The following ZNF362 variants were observed in gnomAD, a reference collection of about 807,000 sequenced individuals.
ZNF362 encodes rotund homolog.
In ZNF362, 11 loss-of-function variants were observed where a neutral mutation model predicts 42.9. The observed-to-expected ratio is 0.26, with a 90% confidence interval of 0.16 to 0.42. The LOEUF is 0.42. Ranked by LOEUF, ZNF362 falls within the 20% of genes least tolerant of loss-of-function variation. The probability of loss-of-function intolerance (pLI) is 1.00; values close to 1 mark genes in which losing one functional copy is unlikely to be tolerated. For missense variants in ZNF362, 362 were observed against 576.2 expected, an observed-to-expected ratio of 0.63 and a Z score of 3.81; for synonymous variants, 255 against 257.3, an observed-to-expected ratio of 0.99 and a Z score of 0.09.
intron 1 of ZNF362, among the ~76,000 whole-genome samples, chr1:33,263,558 G>A (rs1020952591): frequency 2.0e-5 from 3 of 152,068 alleles, no homozygotes; most frequent in African/African-American, 4.8e-5. Flanking sequence ...TTACAGGCGT[G>A]TGCCACCACA....
chr1:33,138,330 G>C, the ZNF362 span, among the ~76,000 whole-genome samples: 7 of 152,122 alleles, frequency 4.6e-5, no homozygotes, highest in Non-Finnish European at 8.8e-5. Flanking sequence ...TGGAACAATA[G>C]GCAAAGTGGT....
intron 2 of ZNF362, 42 bp downstream of exon 2, chr1:33,270,654 G>T (rs1418889854): frequency 1.2e-6 from 2 of 1,604,304 alleles, no homozygotes; most frequent in Admixed American, 1.7e-5. Flanking sequence ...GTCAATGAGG[G>T]TTTGTTCTTT....
chr1:33,235,224 C>T, the ZNF362 span, among the ~76,000 whole-genome samples: 38 of 152,066 alleles, frequency 2.5e-4, no homozygotes, highest in African/African-American at 8.5e-4. Context: ...CCTGCAATAC[C>T]GCTTTCCTGT....
intron 4 of ZNF362, among the ~76,000 whole-genome samples, chr1:33,278,636 T>G (rs1284570668): frequency 1.3e-5 from 2 of 152,240 alleles, no homozygotes; most frequent in Non-Finnish European, 2.9e-5. Context: ...TTGATGTGTC[T>G]CCTCTCAGAT....
intron 1 of ZNF362, among the ~76,000 whole-genome samples, chr1:33,258,113 C>T (rs1645806238): frequency 6.6e-6 from 1 of 152,194 alleles, no homozygotes; most frequent in Non-Finnish European, 1.5e-5. Context: ...GTGAGCCTCA[C>T]CCCTGTAGTA....
At chr1:33,264,261 G>A (rs1381038720) in intron 1 of ZNF362, among the ~76,000 whole-genome samples, 1 of 152,054 alleles carries the variant, frequency 6.6e-6, no homozygotes, top group Non-Finnish European at 1.5e-5. Context: ...CAGAAGAATG[G>A]TCCCTGTGGG....
chr1:33,238,793 A>G, the ZNF362 span, among the ~76,000 whole-genome samples: 1 of 152,108 alleles, frequency 6.6e-6, no homozygotes, highest in East Asian at 1.9e-4. Context: ...TGAGCGTTCT[A>G]TCTCTCCCTC....
chr1:33,138,335 A>T, the ZNF362 span, among the ~76,000 whole-genome samples: 1 of 152,158 alleles, frequency 6.6e-6, no homozygotes, highest in African/African-American at 2.4e-5. Flanking sequence ...CAATAGGCAA[A>T]GTGGTTTGAT....
chr1:33,134,652 G>A, the ZNF362 span, among the ~76,000 whole-genome samples: 2 of 152,194 alleles, frequency 1.3e-5, no homozygotes, highest in Non-Finnish European at 2.9e-5. Flanking sequence ...ACATGTTTAC[G>A]CAGGGAAGCT....
chr1:33,193,771 T>C, the ZNF362 span, among the ~76,000 whole-genome samples: 2 of 152,194 alleles, frequency 1.3e-5, no homozygotes, highest in African/African-American at 2.4e-5. Flanking sequence ...AGCAAGACTA[T>C]AGTACACCTG....
the ZNF362 span, among the ~76,000 whole-genome samples, chr1:33,190,825 G>T: frequency 6.6e-6 from 1 of 152,190 alleles, no homozygotes; most frequent in Non-Finnish European, 1.5e-5. Flanking sequence ...AATTGATGTC[G>T]CAGCATCAGG....
chr1:33,167,958 T>G, the ZNF362 span, among the ~76,000 whole-genome samples: 1 of 152,094 alleles, frequency 6.6e-6, no homozygotes, highest in South Asian at 2.1e-4. This position sits in a 1 kb window ranked among gnomAD's most constrained non-coding sequence, Gnocchi z 4.2. Flanking sequence ...ACAGACACAG[T>G]CCCTGATCAT....
chr1:33,222,204 T>C, the ZNF362 span, among the ~76,000 whole-genome samples: 2 of 152,296 alleles, frequency 1.3e-5, no homozygotes, highest in African/African-American at 4.8e-5. Context: ...CAGAATGGAA[T>C]GCTTGACCTT....
Position 33,276,504 on chromosome 1 carries a change from A to C in ZNF362, c.259A>C (p.Lys87Gln), listed in dbSNP as rs1314998881. ...CAGCCAGGCCGTCATGTCGCTGCCC[A>C]AGCTGCAGCAGGTGCCGGGGCTGCA... ...ESSQAVMSLPKLQQVPGLHPQ... is the reference protein window; with the variant it reads ...ESSQAVMSLPQLQQVPGLHPQ... The change falls in exon 4 of 9, where the codon AAG becomes CAG. Residue 87 changes from lysine to glutamine, a missense_variant. Lys to Gln is a moderately conservative substitution (Grantham distance 53). Coordinates refer to ENST00000539719, the MANE Select transcript of ZNF362 (RefSeq NM_152493.3). The C allele has an allele frequency of 1.3e-6, 2 of 1,572,158 alleles. No individual in the cohort carries two copies. Among genetic ancestry groups the C allele is most frequent in the East Asian group, 2.3e-5 (1 of 42,862 alleles).
At chr1:33,145,732 G>A in the ZNF362 span, 1 of 385,054 alleles carries the variant, frequency 2.6e-6, no homozygotes, top group African/African-American at 2.1e-5. Flanking sequence ...CCCACCTCTG[G>A]GCAGGGATAG....
chr1:33,247,487 C>G, the ZNF362 span, among the ~76,000 whole-genome samples: 5 of 152,368 alleles, frequency 3.3e-5, no homozygotes, highest in Non-Finnish European at 5.9e-5. Flanking sequence ...AGCCTTATCC[C>G]CCTCTGCCTC....
the ZNF362 span, among the ~76,000 whole-genome samples, chr1:33,204,879 G>A: frequency 2.6e-5 from 4 of 152,152 alleles, no homozygotes; most frequent in South Asian, 6.2e-4. Flanking sequence ...AGCAACAAAC[G>A]ATCAGAAATT....
the ZNF362 span, chr1:33,165,786 T>G: frequency 2.5e-6 from 1 of 402,686 alleles, no homozygotes; most frequent in East Asian, 3.8e-5. The surrounding 1 kb of genome is among the most constrained non-coding windows in gnomAD (Gnocchi z 4.0). Context: ...TGCAACAACC[T>G]CCTCCTCTTT....
intron 2 of ZNF362, 81 bp downstream of exon 2, chr1:33,270,693 C>G: frequency 6.4e-7 from 1 of 1,570,556 alleles, no homozygotes; most frequent in Non-Finnish European, 8.6e-7. Flanking sequence ...GTTCGTCCCA[C>G]CTTCCCTGAG....
Sources: allele counts gnomAD v4.1 joint callset (sites outside exome capture counted in the v4.1 genomes callset), GRCh38; gene constraint gnomAD v4.1.1; non-coding constraint Gnocchi (gnomAD v3.1); transcripts MANE v1.5; gene names NCBI Gene and HGNC (gene_info 2026-07-23, HGNC 2026-07-21).